BLTP1: variants seen among roughly 807,000 people sequenced by gnomAD.
BLTP1 encodes bridge-like lipid transfer protein family member 1.
the BLTP1 span, chr4:122,347,355 C>A: frequency 1.2e-6 from 1 of 820,630 alleles, no homozygotes; most frequent in Non-Finnish European, 1.5e-6. Context: ...AAACAAAACA[C>A]TGGCATGTTC....
At chr4:122,230,526 T>G in the BLTP1 span, among the ~76,000 whole-genome samples, 1 of 152,174 alleles carries the variant, frequency 6.6e-6, no homozygotes, top group Admixed American at 6.5e-5. Context: ...TACTACATTT[T>G]CTCTCTCACC....
At chr4:122,325,673 TTTTA>T in the BLTP1 span, 1 of 1,041,272 alleles carries the variant, frequency 9.6e-7, no homozygotes, top group Non-Finnish European at 1.3e-6. Flanking sequence ...CATTTATGTA[TTTTA>T]TTTATAGATA....
chr4:122,288,507 C>G, the BLTP1 span, among the ~76,000 whole-genome samples: 2 of 151,842 alleles, frequency 1.3e-5, no homozygotes, highest in Non-Finnish European at 2.9e-5. Context: ...ATGGTGAAAC[C>G]CTATCATAGT....
At chr4:122,356,628 C>G in the BLTP1 span, 5 of 1,611,476 alleles carry the variant, frequency 3.1e-6, no homozygotes, top group Non-Finnish European at 4.2e-6. Context: ...CAGATGCCAG[C>G]CTGAAGCCAA....
chr4:122,263,274 CTATT>C, the BLTP1 span: 3 of 980,342 alleles, frequency 3.1e-6, no homozygotes, highest in Non-Finnish European at 3.6e-6. Context: ...TAAAAATAAG[CTATT>C]TATTAATGCA....
chr4:122,272,181 C>T, the BLTP1 span: 1 of 1,612,760 alleles, frequency 6.2e-7, no homozygotes, highest in Admixed American at 1.7e-5. Flanking sequence ...CCTACAGAGC[C>T]AACATGTAAA....
chr4:122,301,250 A>AT, the BLTP1 span: 43 of 1,472,012 alleles, frequency 2.9e-5, no homozygotes, highest in African/African-American at 7.5e-5. Context: ...CAAAATAGTT[A>AT]TTTTTTTTCT....
the BLTP1 span, chr4:122,349,852 T>C: frequency 3.7e-6 from 6 of 1,613,408 alleles, no homozygotes; most frequent in Non-Finnish European, 5.1e-6. The surrounding 1 kb of genome is among the most constrained non-coding windows in gnomAD (Gnocchi z 4.5). Context: ...TGTTTTATGC[T>C]CTAGTGAGAT....
chr4:122,181,250 A>T, the BLTP1 span: 2,211 of 960,280 alleles, frequency 2.3e-3, 3 homozygotes, highest in Admixed American at 4.4e-3. Flanking sequence ...CTTTTTTTTT[A>T]AAAGAGCTAT....
chr4:122,335,657 C>G, the BLTP1 span, among the ~76,000 whole-genome samples: 13 of 152,192 alleles, frequency 8.5e-5, 1 homozygote, highest in South Asian at 1.5e-3. Flanking sequence ...GGATGTCTTT[C>G]CTGGATTTGA....
the BLTP1 span, among the ~76,000 whole-genome samples, chr4:122,183,730 C>G: frequency 3.3e-5 from 5 of 152,062 alleles, no homozygotes; most frequent in Non-Finnish European, 7.4e-5. Flanking sequence ...TTGAGAAGAT[C>G]AATTTTTTCC....
the BLTP1 span, chr4:122,315,444 A>T: frequency 1.2e-6 from 2 of 1,613,502 alleles, no homozygotes; most frequent in African/African-American, 1.3e-5. Context: ...CAAAAATGCA[A>T]CTTCTTTATT....
the BLTP1 span, among the ~76,000 whole-genome samples, chr4:122,157,300 G>A: frequency 1.3e-5 from 2 of 152,176 alleles, no homozygotes; most frequent in Non-Finnish European, 2.9e-5. Context: ...GGTCTTTGAG[G>A]AGGATGCAGC....
At chr4:122,282,147 C>G in the BLTP1 span, 1 of 884,008 alleles carries the variant, frequency 1.1e-6, no homozygotes, top group African/African-American at 1.8e-5. Context: ...TTGATTTCTT[C>G]AAAACAGCTA....
At chr4:122,263,068 A>T in the BLTP1 span, 4 of 1,424,048 alleles carry the variant, frequency 2.8e-6, no homozygotes, top group Non-Finnish European at 3.8e-6. Flanking sequence ...TTAGATATAT[A>T]CTTTGGTAGT....
the BLTP1 span, among the ~76,000 whole-genome samples, chr4:122,294,265 GCTT>G: frequency 6.6e-6 from 1 of 152,226 alleles, no homozygotes; most frequent in Non-Finnish European, 1.5e-5. Flanking sequence ...CAGCCAGACT[GCTT>G]CTTTAAGCAG....
chr4:122,170,801 C>A, the BLTP1 span: 1 of 1,228,628 alleles, frequency 8.1e-7, no homozygotes, highest in Non-Finnish European at 1.1e-6. Context: ...TTAACAGCTG[C>A]CAGATTTTAA....
At chr4:122,218,414 G>C in the BLTP1 span, among the ~76,000 whole-genome samples, 9 of 152,294 alleles carry the variant, frequency 5.9e-5, no homozygotes, top group Non-Finnish European at 1.3e-4. Flanking sequence ...CACTGGTTTT[G>C]TGAGCCGGTA....
chr4:122,287,731 C>G, the BLTP1 span: 1 of 982,658 alleles, frequency 1.0e-6, no homozygotes, highest in Non-Finnish European at 1.2e-6. Flanking sequence ...TCCTGCTTGC[C>G]CTGGAAGCTC....
Sources: gnomAD v4.1 joint callset for allele counts (sites outside exome capture counted in the v4.1 genomes callset) on GRCh38, gnomAD v4.1.1 for gene constraint, Gnocchi (gnomAD v3.1) non-coding constraint, MANE v1.5 for transcripts, NCBI Gene and HGNC (gene_info 2026-07-23, HGNC 2026-07-21) for gene names.